UBR3: variants seen among roughly 807,000 people sequenced by gnomAD.
The protein encoded by UBR3 is ubiquitin protein ligase E3 component n-recognin 3, also known as E3 ubiquitin-protein ligase UBR3.
Under a neutral mutation model 243.2 loss-of-function variants are expected in UBR3, and 85 were observed. The ratio of observed to expected loss-of-function variants is 0.35; its 90% confidence interval spans 0.29 to 0.42. The LOEUF (loss-of-function observed/expected upper bound fraction) is 0.42. UBR3 is among the 10% of genes least tolerant of loss of function. The pLI is 1.00. For missense variants in UBR3, 1,686 were observed against 2,300.8 expected, an observed-to-expected ratio of 0.73 and a Z score of 5.47; for synonymous variants, 748 against 799.8, an observed-to-expected ratio of 0.94 and a Z score of 1.09.
In UBR3 at chr2:169,958,522, T is replaced by C; in HGVS notation, c.3630T>C (p.Asp1210=). The C allele has an allele frequency of 6.2e-7, 1 of 1,612,406 alleles. No individual in the cohort carries two copies. Among genetic ancestry groups the C allele is most frequent in the Middle Eastern group, 1.7e-4 (1 of 6,046 alleles). Residue 1210 remains aspartate (D), a synonymous_variant, in exon 24 of 39, where the codon GAT becomes GAC. Coordinates refer to ENST00000272793, the MANE Select transcript of UBR3 (RefSeq NM_172070.4). ...AAAGCTTTATGGAAACTGCAATGGATGTTGGTAAGTCAAAATTATTAGTTT... is the reference window on the plus strand; with the variant it reads ...AAAGCTTTATGGAAACTGCAATGGACGTTGGTAAGTCAAAATTATTAGTTT... The part of the protein sequence containing the change: ...RQKSFMETAM[D]VDSPENDIPM...
chr2:169,930,992 T>G (rs528529642), intron 18 of UBR3, among the ~76,000 whole-genome samples: 1 of 152,264 alleles, frequency 6.6e-6, no homozygotes, highest in Admixed American at 6.5e-5. Flanking sequence ...CTTCCATTGC[T>G]AAGGTTGTGC....
intron 11 of UBR3, among the ~76,000 whole-genome samples, chr2:169,914,848 TTG>T (rs138233075): frequency 0.097 from 9,100 of 93,652 alleles, 442 homozygotes; most frequent in African/African-American, 0.16. Context: ...ATTTTATCTC[TTG>T]TGTGTGTGTG....
intron 31 of UBR3, among the ~76,000 whole-genome samples, chr2:170,035,677 G>T (rs2090806406): frequency 6.6e-6 from 1 of 151,984 alleles, no homozygotes. Context: ...TTTAAAATCA[G>T]TTTGTCAACA....
chr2:169,914,991 C>G (rs2105339462), intron 11 of UBR3, among the ~76,000 whole-genome samples: 1 of 152,140 alleles, frequency 6.6e-6, no homozygotes, highest in Non-Finnish European at 1.5e-5. Context: ...GACTTGATGC[C>G]TCACTACCCC....
intron 23 of UBR3, among the ~76,000 whole-genome samples, chr2:169,952,005 A>G (rs2087054517): frequency 6.6e-6 from 1 of 152,154 alleles, no homozygotes. Flanking sequence ...TAAGTTTAAG[A>G]GGGACACCCA....
chr2:169,866,477 C>G (rs2083269472), intron 1 of UBR3, among the ~76,000 whole-genome samples: 1 of 151,922 alleles, frequency 6.6e-6, no homozygotes, highest in Non-Finnish European at 1.5e-5. Context: ...ATTCTCCTAC[C>G]TCAGCTTCCT....
chr2:170,043,359 C>T (rs2091013197), intron 32 of UBR3, among the ~76,000 whole-genome samples: 2 of 152,082 alleles, frequency 1.3e-5, no homozygotes, highest in Admixed American at 1.3e-4. Context: ...TGGCTTTCAA[C>T]AGAAGACGAA....
At position 169,877,542 on chromosome 2, in the gene UBR3, T is replaced by C. The variant is rs1433084309; in HGVS notation, c.893T>C (p.Ile298Thr). The change falls in exon 4 of 39, where the codon ATA (isoleucine) becomes ACA (threonine). Residue 298 changes from isoleucine (I) to threonine (T), a missense_variant. Transcript: ENST00000272793. ...AAGAAAAGTCATGAAAAGTACCTTA[T>C]AGCTTTAAAGAGCTCTGGACTTACA... is the stretch of plus-strand genomic sequence containing the variant. ...CVKKSHEKYL[I>T]ALKSSGLTYP... 3.2e-6 allele frequency: 5 copies of C among 1,546,822 alleles called. No homozygotes were observed. Among genetic ancestry groups the C allele is most frequent in the South Asian group, 1.2e-5 (1 of 82,672 alleles).
intron 26 of UBR3, among the ~76,000 whole-genome samples, chr2:169,997,496 A>G (rs2089538261): frequency 6.6e-6 from 1 of 152,058 alleles, no homozygotes; most frequent in Admixed American, 6.5e-5. Context: ...CTGGGCCCCC[A>G]GAAGGGTCAC....
At chr2:169,888,583 CAG>C (rs1173168376) in intron 5 of UBR3, among the ~76,000 whole-genome samples, 2 of 152,148 alleles carry the variant, frequency 1.3e-5, no homozygotes, top group African/African-American at 2.4e-5. Flanking sequence ...AATATACTAA[CAG>C]ATTTTATTTG....
chr2:169,852,369 AG>A (rs1159016123), intron 1 of UBR3, among the ~76,000 whole-genome samples: 2 of 152,176 alleles, frequency 1.3e-5, no homozygotes, highest in Non-Finnish European at 1.5e-5. Flanking sequence ...TTGGAACGTG[AG>A]GTTGGCAAAC....
intron 35 of UBR3, 87 bp from the exon 36 acceptor site, chr2:170,073,341 C>G (rs768314717): frequency 2.8e-5 from 42 of 1,479,806 alleles, no homozygotes; most frequent in Non-Finnish European, 3.4e-5. Context: ...CTTATTGTCT[C>G]AAAGTAATTG....
chr2:169,831,128 T>TATATA (rs1491457428), intron 1 of UBR3, among the ~76,000 whole-genome samples: 9 of 36,424 alleles, frequency 2.5e-4, no homozygotes, highest in South Asian at 1.6e-3. Flanking sequence ...TATATATATA[T>TATATA]TTTTTTTTTT....
intron 19 of UBR3, among the ~76,000 whole-genome samples, chr2:169,936,420 G>A (rs995673253): frequency 6.6e-6 from 1 of 151,936 alleles, no homozygotes; most frequent in Non-Finnish European, 1.5e-5. Flanking sequence ...CATAGGTACA[G>A]CATATTTCTC....
intron 31 of UBR3, among the ~76,000 whole-genome samples, chr2:170,029,890 T>C (rs1369225481): frequency 1.8e-4 from 27 of 152,074 alleles, no homozygotes; most frequent in Non-Finnish European, 4.0e-4. Flanking sequence ...AAAAATGCTT[T>C]CTTCTGATTA....
chr2:169,983,747 T>G lies in UBR3; in HGVS notation c.3635-2898T>G, dbSNP rs528552059. Among the ~76,000 whole-genome samples the G allele has an allele frequency of 2.6e-5, 4 of 152,328 alleles. No homozygotes were observed. In the South Asian group the frequency reaches 8.3e-4, roughly 32 times the overall value. ...TGTAATAGCATTCAGAAGAATCAGC[T>G]GCTTCATTCAGATAGATTCTTTTCT... On this transcript the variant is annotated intron_variant, in intron 24 of 38. Transcript: ENST00000272793.
chr2:169,931,350 TAAA>T lies in UBR3; in HGVS notation c.2567-1541_2567-1539del, dbSNP rs66951181. Among the ~76,000 whole-genome samples the T allele has an allele frequency of 9.7e-3, 845 of 87,544 alleles. 11 individuals are homozygous for T. The highest frequency in any genetic ancestry group is 0.034 in the African/African-American group (763 of 22,614). 57.4% of individuals were successfully genotyped at this position (87,544 alleles called of 152,430 possible). Reference sequence around the variant, plus strand: ...TGGGTGACAGAGCGAGAATCTGTCTTAAAAAAAAAAAAAAAAAAAAAAAGGACG... The same window carrying T: ...TGGGTGACAGAGCGAGAATCTGTCTTAAAAAAAAAAAAAAAAAAAAGGACG... On this transcript the variant is annotated intron_variant, in intron 18 of 38. Transcript: ENST00000272793.
At chr2:169,955,636 A>C (rs1464770047) in intron 23 of UBR3, among the ~76,000 whole-genome samples, 1 of 151,802 alleles carries the variant, frequency 6.6e-6, no homozygotes, top group Non-Finnish European at 1.5e-5. Context: ...TCTACTAAAA[A>C]TACAAAAATT....
chr2:169,865,708 A>G (rs185210874), intron 1 of UBR3, among the ~76,000 whole-genome samples: 6 of 152,206 alleles, frequency 3.9e-5, no homozygotes, highest in Non-Finnish European at 5.9e-5. Context: ...TTCATGCCCA[A>G]TTATGTTTTC....
Sources: allele counts gnomAD v4.1 joint callset (sites outside exome capture counted in the v4.1 genomes callset), GRCh38; gene constraint gnomAD v4.1.1; transcripts MANE v1.5; gene names NCBI Gene and HGNC (gene_info 2026-07-23, HGNC 2026-07-21).